Variants in CCDC60 observed in about 807,000 individuals in gnomAD.
CCDC60 encodes coiled-coil domain-containing protein 60.
In CCDC60, 54 loss-of-function variants were observed where a neutral mutation model predicts 63.5. That is an observed-to-expected ratio of 0.85 (90% CI 0.68 to 1.07). The LOEUF (loss-of-function observed/expected upper bound fraction) is 1.07, where lower values mean the gene tolerates loss of function less well. Among genes scored for constraint, CCDC60 ranks in the 50% least tolerant of loss-of-function variants. The pLI is 0.00. For synonymous variants in CCDC60, 206 were observed against 238.8 expected (o/e 0.86, Z 1.27); for missense variants, 651 against 684.3 (o/e 0.95, Z 0.54).
chr12:119,498,714 T>G (rs1322472728), intron 5 of CCDC60, among the ~76,000 whole-genome samples: 2 of 152,094 alleles, frequency 1.3e-5, no homozygotes, highest in African/African-American at 4.8e-5. Flanking sequence ...AAATTCTTTC[T>G]GCAAAGAAAA....
intron 1 of CCDC60, among the ~76,000 whole-genome samples, chr12:119,363,969 C>T (rs1955815873): frequency 6.6e-6 from 1 of 152,174 alleles, no homozygotes; most frequent in Admixed American, 6.5e-5. Context: ...GCACTCTTCA[C>T]TCTCTGAAAT....
chr12:119,430,533 G>C (rs1369355154), intron 2 of CCDC60, among the ~76,000 whole-genome samples: 2 of 152,022 alleles, frequency 1.3e-5, no homozygotes, highest in African/African-American at 4.8e-5. Context: ...CGGGCATGGT[G>C]GTGGGCGCCT....
chr12:119,468,899 C>A (rs1375539203), intron 2 of CCDC60, among the ~76,000 whole-genome samples: 1 of 151,430 alleles, frequency 6.6e-6, no homozygotes, highest in African/African-American at 2.4e-5. Flanking sequence ...CACAGTGAGA[C>A]CCCCATCTCT....
intron 2 of CCDC60, among the ~76,000 whole-genome samples, chr12:119,440,487 G>A (rs1443849699): frequency 2.7e-4 from 41 of 152,242 alleles, no homozygotes; most frequent in East Asian, 1.9e-4. Context: ...CTGAGATCGC[G>A]CCACTGCACT....
In CCDC60 at chr12:119,420,442, T is replaced by C. The variant is rs1956792543; in HGVS notation, c.91-8241T>C. On this transcript the variant is annotated intron_variant, in intron 1 of 13. Transcript: ENST00000327554. The surrounding 1 kb of genome is among the most constrained non-coding windows in gnomAD (Gnocchi z 4.1). ...CTGGAGATCATTATGTTAAGTGTGT[T>C]AAGTGAAACAAGCCAGACACAGAAA... Among the ~76,000 whole-genome samples the C allele has an allele frequency of 3.9e-5, 6 of 152,180 alleles. No individual in the cohort carries two copies. Among genetic ancestry groups the C allele is most frequent in the Admixed American group, 3.9e-4 (6 of 15,272 alleles).
intron 1 of CCDC60, among the ~76,000 whole-genome samples, chr12:119,347,244 G>GA (rs1955606760): frequency 1.3e-5 from 2 of 152,244 alleles, no homozygotes; most frequent in South Asian, 2.1e-4. Context: ...AAACCTGCTA[G>GA]AAAAAATGGA....
chr12:119,520,450 A>T (rs1952493645), intron 9 of CCDC60, among the ~76,000 whole-genome samples: 1 of 152,194 alleles, frequency 6.6e-6, no homozygotes, highest in Admixed American at 6.5e-5. Flanking sequence ...AGGACGCGGT[A>T]CAAGACTATG....
At chr12:119,342,777 ACT>A (rs1158593500) in intron 1 of CCDC60, among the ~76,000 whole-genome samples, 3 of 152,200 alleles carry the variant, frequency 2.0e-5, no homozygotes, top group Admixed American at 1.3e-4. Flanking sequence ...CACTCTGGAC[ACT>A]CTGAAAAATG....
At chr12:119,373,805 A>G (rs1330345327) in intron 1 of CCDC60, among the ~76,000 whole-genome samples, 1 of 152,168 alleles carries the variant, frequency 6.6e-6, no homozygotes, top group Non-Finnish European at 1.5e-5. Flanking sequence ...ACCACTTCTG[A>G]CATGGCAGAG....
Position 119,520,100 on chromosome 12 carries a change from AG to A in CCDC60, c.969-19del, listed in dbSNP as rs1343254876. The A allele has an allele frequency of 6.2e-7, 1 of 1,610,022 alleles. No individual in the cohort carries two copies. The highest frequency in any genetic ancestry group is 1.3e-5 in the African/African-American group (1 of 74,880). Reference sequence around the variant, plus strand: ...CTTCATGAATTCAGCGCCTTGTTAAAGGACTCATTTTGCCTTGCAGCATCTT... The same window carrying A: ...CTTCATGAATTCAGCGCCTTGTTAAAGACTCATTTTGCCTTGCAGCATCTT... On this transcript the variant is annotated intron_variant, in intron 8 of 13. Coordinates refer to ENST00000327554, the MANE Select transcript of CCDC60 (RefSeq NM_178499.5).
intron 1 of CCDC60, among the ~76,000 whole-genome samples, chr12:119,382,120 C>T (rs970426352): frequency 1.3e-5 from 2 of 152,212 alleles, no homozygotes; most frequent in South Asian, 4.1e-4. Context: ...TCTCCTTCCA[C>T]AAACATGAAG....
chr12:119,412,210 AT>A (rs1956615555), intron 1 of CCDC60, among the ~76,000 whole-genome samples: 1 of 152,080 alleles, frequency 6.6e-6, no homozygotes, highest in Non-Finnish European at 1.5e-5. Context: ...GCTCTCCTGA[AT>A]CTTGGCTCTT....
At chr12:119,393,656 G>A (rs1956200331) in intron 1 of CCDC60, among the ~76,000 whole-genome samples, 1 of 152,226 alleles carries the variant, frequency 6.6e-6, no homozygotes, top group African/African-American at 2.4e-5. Flanking sequence ...CACAGGGAAA[G>A]CTTTGCAAAT....
intron 1 of CCDC60, among the ~76,000 whole-genome samples, chr12:119,349,560 A>G (rs1364445922): frequency 1.3e-5 from 2 of 151,596 alleles, no homozygotes; most frequent in African/African-American, 2.4e-5. Context: ...GCTGGTCTCA[A>G]ACTCCTGACC....
At chr12:119,431,463 G>A (rs1247695229) in intron 2 of CCDC60, among the ~76,000 whole-genome samples, 9 of 152,144 alleles carry the variant, frequency 5.9e-5, no homozygotes, top group South Asian at 2.1e-4. Flanking sequence ...TACAGGGTCC[G>A]CAAAATATCT....
At chr12:119,510,153 C>G (rs1952174635) in intron 7 of CCDC60, among the ~76,000 whole-genome samples, 1 of 152,190 alleles carries the variant, frequency 6.6e-6, no homozygotes, top group Non-Finnish European at 1.5e-5. Flanking sequence ...TCAGAAGGGA[C>G]TTTCTAAATG....
chr12:119,448,903 C>T (rs190410051), intron 2 of CCDC60, among the ~76,000 whole-genome samples: 5 of 152,260 alleles, frequency 3.3e-5, no homozygotes, highest in African/African-American at 1.2e-4. Flanking sequence ...AGTCCTCTTA[C>T]ACAGCGTTAC....
rs190795910 is a variant in CCDC60 at position 119,366,647 on chromosome 12, A to G, written c.90+31381A>G. Among the ~76,000 whole-genome samples, 458 of 152,288 alleles carry G rather than the reference A, an allele frequency of 3.0e-3. 3 individuals are homozygous for G. Among genetic ancestry groups the G allele is most frequent in the Non-Finnish European group, 5.4e-3 (365 of 68,018 alleles). On this transcript the variant is annotated intron_variant, in intron 1 of 13. Transcript: ENST00000327554. ...AGCAAGAGAGAGTCTTAACATGCTT[A>G]GATGGCATGTGCCTGTTCTCCTGAT...
intron 5 of CCDC60, among the ~76,000 whole-genome samples, chr12:119,490,107 CTTAA>C (rs1951549730): frequency 6.6e-6 from 1 of 152,110 alleles, no homozygotes; most frequent in Non-Finnish European, 1.5e-5. Context: ...AACGTTAAGT[CTTAA>C]TTAACTTCTT....
Sources: gnomAD v4.1 joint callset for allele counts (sites outside exome capture counted in the v4.1 genomes callset) on GRCh38, gnomAD v4.1.1 for gene constraint, Gnocchi (gnomAD v3.1) non-coding constraint, MANE v1.5 for transcripts, NCBI Gene and HGNC (gene_info 2026-07-23, HGNC 2026-07-21) for gene names.